Variants in MGST1 observed in about 807,000 individuals in gnomAD.
The protein encoded by MGST1 is glutathione S-transferase 12.
Under a neutral mutation model 8.9 loss-of-function variants are expected in MGST1, and 5 were observed. The observed-to-expected ratio is 0.56, with a 90% CI of 0.29 to 1.19. MGST1 has a LOEUF of 1.19. Among genes scored for constraint, MGST1 ranks in the 50% most tolerant of loss-of-function variants. The pLI, the probability that MGST1 is intolerant of heterozygous loss-of-function variation, is 0.08. For missense variants in MGST1, 182 were observed against 187.4 expected, an observed-to-expected ratio of 0.97 and a Z score of 0.17; for synonymous variants, 54 against 67.8, an observed-to-expected ratio of 0.80 and a Z score of 1.00.
intron 4 of MGST1, among the ~76,000 whole-genome samples, chr12:16,446,850 C>T (rs1941084725): frequency 2.6e-5 from 4 of 151,890 alleles, no homozygotes; most frequent in Non-Finnish European, 1.5e-5. Flanking sequence ...GGAACAGAGC[C>T]ACCACTGAAC....
chr12:16,532,390 A>C (rs1253873181), intron 4 of MGST1, among the ~76,000 whole-genome samples: 1 of 152,162 alleles, frequency 6.6e-6, no homozygotes, highest in Non-Finnish European at 1.5e-5. Context: ...CTGGGAGTTA[A>C]AAAAATTAAC....
chr12:16,431,090 C>A (rs1298838517), intron 1 of MGST1, among the ~76,000 whole-genome samples: 1 of 152,228 alleles, frequency 6.6e-6, no homozygotes, highest in African/African-American at 2.4e-5. Flanking sequence ...TGAACTAGTT[C>A]TGCTAGCTTC....
chr12:16,558,704 A>T (rs959418183), intron 4 of MGST1, among the ~76,000 whole-genome samples: 5 of 152,174 alleles, frequency 3.3e-5, no homozygotes, highest in African/African-American at 7.2e-5. Flanking sequence ...TTACATTATA[A>T]GGTACATTAG....
chr12:16,521,438 CTT>C (rs1280871927), intron 4 of MGST1, among the ~76,000 whole-genome samples: 3 of 152,060 alleles, frequency 2.0e-5, no homozygotes, highest in Non-Finnish European at 4.4e-5. Flanking sequence ...AAAAGTAACT[CTT>C]TGCCAAAAAT....
intron 1 of MGST1, among the ~76,000 whole-genome samples, chr12:16,393,142 C>T (rs1187999532): frequency 6.6e-6 from 1 of 152,196 alleles, no homozygotes; most frequent in Non-Finnish European, 1.5e-5. Flanking sequence ...CATATGACCA[C>T]ATAAACACAT....
downstream of MGST1, chr12:16,367,225 A>G (rs896715009): frequency 5.9e-5 from 9 of 152,158 alleles, no homozygotes; most frequent in African/African-American, 2.2e-4. Context: ...TTTTATGTAC[A>G]CTGAAAGCCT....
chr12:16,414,395 A>ATTT (rs66730103), intron 1 of MGST1, among the ~76,000 whole-genome samples: 5 of 94,676 alleles, frequency 5.3e-5, no homozygotes, highest in African/African-American at 1.2e-4. Flanking sequence ...AGGTGTTTTT[A>ATTT]TTTTTTTTTT....
At chr12:16,471,390 C>A (rs1435463160) in intron 4 of MGST1, among the ~76,000 whole-genome samples, 1 of 152,164 alleles carries the variant, frequency 6.6e-6, no homozygotes, top group Non-Finnish European at 1.5e-5. Context: ...ATCACCCCCA[C>A]CTGTTTATAT....
At position 16,589,147 on chromosome 12, in the gene MGST1, C is replaced by A. The variant is rs1943413756; in HGVS notation, n.483-381C>A. 6.6e-6 allele frequency among the ~76,000 whole-genome samples: 1 copy of A among 152,030 alleles called. No individual in the cohort carries two copies. Among genetic ancestry groups the A allele is most frequent in the African/African-American group, 2.4e-5 (1 of 41,384 alleles). ...GATCTACGAATTAGATGTAACCTCA[C>A]CCAGTTTGGAAGATTTTAGGGAAGT... On this transcript the variant is annotated intron_variant and non_coding_transcript_variant, in intron 4 of 4. Transcript: ENST00000538857. The surrounding 1 kb of genome is among the most constrained non-coding windows in gnomAD (Gnocchi z 4.2).
In MGST1 at chr12:16,546,302, A is replaced by G. The variant is rs1335200128; in HGVS notation, n.483-43226A>G. On this transcript the variant is annotated intron_variant and non_coding_transcript_variant, in intron 4 of 4. Coordinates refer to the MGST1 transcript ENST00000538857. The surrounding 1 kb of genome is among the most constrained non-coding windows in gnomAD (Gnocchi z 4.7). ...TCTTGTTCCCATTTTAATTTGTACTATGGCCACTAAATTTGGTATAGTTAA... is the reference window on the plus strand; with the variant it reads ...TCTTGTTCCCATTTTAATTTGTACTGTGGCCACTAAATTTGGTATAGTTAA... Among the ~76,000 whole-genome samples, 1 of 152,128 alleles carries G rather than the reference A, an allele frequency of 6.6e-6. No homozygotes were observed. The highest frequency in any genetic ancestry group is 2.4e-5 in the African/African-American group (1 of 41,446).
Position 16,582,830 on chromosome 12 carries a change from C to T in MGST1, n.483-6698C>T, listed in dbSNP as rs565883440. Among the ~76,000 whole-genome samples, 1 of 152,118 alleles carries T rather than the reference C, an allele frequency of 6.6e-6. No individual in the cohort carries two copies. Among genetic ancestry groups the T allele is most frequent in the African/African-American group, 2.4e-5 (1 of 41,528 alleles). ...TGGGAGGCCAAATTGAGTGGATCAC[C>T]TGAGGTCAGGAGTTCGAGACCAGCC... On this transcript the variant is annotated intron_variant and non_coding_transcript_variant, in intron 4 of 4. Coordinates refer to the MGST1 transcript ENST00000538857. This position sits in a 1 kb window ranked among gnomAD's most constrained non-coding sequence, Gnocchi z 4.1.
At chr12:16,574,354 C>G (rs1447250402) in intron 4 of MGST1, among the ~76,000 whole-genome samples, 1 of 152,176 alleles carries the variant, frequency 6.6e-6, no homozygotes, top group African/African-American at 2.4e-5. Flanking sequence ...AGACACCACA[C>G]GGTGTGCAGA....
intron 4 of MGST1, among the ~76,000 whole-genome samples, chr12:16,478,939 A>G (rs907583364): frequency 1.3e-5 from 2 of 152,124 alleles, no homozygotes; most frequent in African/African-American, 4.8e-5. Context: ...AATAAAACAT[A>G]TCACTAAACA....
At chr12:16,469,614 G>A (rs1202643857) in intron 4 of MGST1, among the ~76,000 whole-genome samples, 1 of 152,210 alleles carries the variant, frequency 6.6e-6, no homozygotes, top group Non-Finnish European at 1.5e-5. Context: ...TATTGAAGAT[G>A]AGAGAACCCA....
chr12:16,470,689 T>C (rs1565460644), intron 4 of MGST1, among the ~76,000 whole-genome samples: 1 of 152,192 alleles, frequency 6.6e-6, no homozygotes, highest in Non-Finnish European at 1.5e-5. Flanking sequence ...ATTATACATT[T>C]AATATAGCCT....
chr12:16,372,839 ATATAT>A (rs962765341), intron 3 of MGST1, among the ~76,000 whole-genome samples: 1 of 148,908 alleles, frequency 6.7e-6, no homozygotes, highest in African/African-American at 2.4e-5. Context: ...ATATTCCATT[ATATAT>A]TATATGTTAC....
At chr12:16,433,807 C>T (rs1257794787) in intron 1 of MGST1, among the ~76,000 whole-genome samples, 1 of 151,990 alleles carries the variant, frequency 6.6e-6, no homozygotes, top group Non-Finnish European at 1.5e-5. Flanking sequence ...TCCCCCAAGG[C>T]GTTCAGTTAG....
chr12:16,444,013 C>T (rs560653730), intron 4 of MGST1, among the ~76,000 whole-genome samples: 16 of 151,866 alleles, frequency 1.1e-4, no homozygotes, highest in East Asian at 2.0e-4. Flanking sequence ...TCTGTGTTGT[C>T]GCTGGCTGAT....
In MGST1 at chr12:16,465,699, T is replaced by G. The variant is rs531169008; in HGVS notation, n.482+82095T>G. Among the ~76,000 whole-genome samples the G allele has an allele frequency of 6.8e-4, 103 of 152,310 alleles. 1 individual carries two copies. The highest frequency in any genetic ancestry group is 1.9e-3 in the African/African-American group (77 of 41,556). On this transcript the variant is annotated intron_variant and non_coding_transcript_variant, in intron 4 of 4. Coordinates refer to the MGST1 transcript ENST00000538857. ...CTACATTATGGCGAGTATGTAATAA[T>G]AATAGAAATAAAGTTAGCAATAAAG...
Sources: gnomAD v4.1 joint callset for allele counts (sites outside exome capture counted in the v4.1 genomes callset) on GRCh38, gnomAD v4.1.1 for gene constraint, Gnocchi (gnomAD v3.1) non-coding constraint, MANE v1.5 for transcripts, NCBI Gene and HGNC (gene_info 2026-07-23, HGNC 2026-07-21) for gene names.